Variants in WDR45 observed in about 807,000 individuals in gnomAD.
WDR45 encodes WD repeat domain 45.
Under a neutral mutation model 27.3 loss-of-function variants are expected in WDR45, and 2 were observed. The observed-to-expected ratio is 0.07, with a 90% CI of 0.03 to 0.23. The LOEUF (loss-of-function observed/expected upper bound fraction) is 0.23. WDR45 is among the 10% of genes least tolerant of loss of function. WDR45 has a pLI of 1.00. For missense variants in WDR45, 175 were observed against 311.9 expected, an observed-to-expected ratio of 0.56 and a Z score of 3.31; for synonymous variants, 99 against 119.2, an observed-to-expected ratio of 0.83 and a Z score of 1.11.
rs782201063 is a variant in WDR45 at position 49,074,838 on chromosome X, C to T, written c.1048G>A (p.Val350Met). 13 of 1,209,838 alleles carry T rather than the reference C, an allele frequency of 1.1e-5. No individual in the cohort carries two copies. In the Middle Eastern group the frequency reaches 1.4e-3, roughly 133 times the overall value. Residue 350 changes from valine to methionine, a missense_variant, in exon 11 of 11, where the codon GTG becomes ATG. Physicochemically the swap from Val to Met is conservative, Grantham distance 21. This residue lies in a region of WDR45 where 71 missense variants were observed against 123.0 expected (regional missense o/e 0.58). Coordinates refer to ENST00000376372, the MANE Select transcript of WDR45 (RefSeq NM_001029896.2). ...TCATCATCACAGATGTCAAGGTACA[C>T]GTCGAAAGCCTCTCTGTTGCAGTTT... ...DGNCNREAFD[V>M]YLDICDDDDF
At chrX:49,088,865 CA>C (rs1248057461) in intron 2 of WDR45, among the ~76,000 whole-genome samples, 1 of 111,767 alleles carries the variant, frequency 8.9e-6, no homozygotes, top group Admixed American at 9.6e-5. Flanking sequence ...AACAAACAAA[CA>C]AAAAGAAGTC....
chrX:49,095,239 T>G (rs1456964693), intron 2 of WDR45, among the ~76,000 whole-genome samples: 2 of 110,634 alleles, frequency 1.8e-5, no homozygotes, highest in East Asian at 5.9e-4. Context: ...CGGCTGGGCA[T>G]GGTGCCTCAC....
chrX:49,099,727 G>T (rs1557087829), intron 2 of WDR45, among the ~76,000 whole-genome samples: 1 of 108,347 alleles, frequency 9.2e-6, no homozygotes, highest in Non-Finnish European at 1.9e-5. Flanking sequence ...CTTGCAGTGA[G>T]TCGAGATCGC....
chrX:49,099,195 G>A (rs1441130667), intron 2 of WDR45, among the ~76,000 whole-genome samples: 3 of 110,068 alleles, frequency 2.7e-5, no homozygotes, highest in Non-Finnish European at 3.8e-5. Context: ...GTGGTGGTGC[G>A]TGCCTGTAGT....
At chrX:49,089,881 A>G (rs2065098778) in intron 2 of WDR45, among the ~76,000 whole-genome samples, 1 of 110,040 alleles carries the variant, frequency 9.1e-6, no homozygotes, top group Admixed American at 9.9e-5. Context: ...ATTATGCTAT[A>G]TGAAATAAGC....
upstream of WDR45, among the ~76,000 whole-genome samples, chrX:49,083,316 GTTTT>G (rs781995765): frequency 2.8e-5 from 2 of 72,040 alleles, no homozygotes; most frequent in Non-Finnish European, 5.1e-5. Context: ...CCGGCCTCTC[GTTTT>G]TTTTTTTTTT....
chrX:49,083,773 C>A (rs1185183086), upstream of WDR45, among the ~76,000 whole-genome samples: 1 of 106,479 alleles, frequency 9.4e-6, no homozygotes, highest in East Asian at 3.0e-4. Context: ...ACGGTGAAAC[C>A]CCATCTCTAC....
chrX:49,097,673 TG>T (rs2065130743), intron 2 of WDR45, among the ~76,000 whole-genome samples: 1 of 97,754 alleles, frequency 1.0e-5, no homozygotes, highest in Non-Finnish European at 2.1e-5. Context: ...TTTTTTTTTT[TG>T]AGATGGAATT....
At chrX:49,093,226 C>A (rs1421811495) in intron 2 of WDR45, among the ~76,000 whole-genome samples, 2 of 111,343 alleles carry the variant, frequency 1.8e-5, no homozygotes, top group Non-Finnish European at 3.8e-5. Context: ...TGTTTTTAAG[C>A]TGGATACTTT....
At chrX:49,090,000 G>A (rs2065099067) in intron 2 of WDR45, among the ~76,000 whole-genome samples, 1 of 110,644 alleles carries the variant, frequency 9.0e-6, no homozygotes, top group Non-Finnish European at 1.9e-5. Flanking sequence ...CTAAAGGCTA[G>A]GGGATGGGTG....
rs782632384 is a variant in WDR45, at chrX:49,086,976, G to A, written c.-17-8864C>T. Among the ~76,000 whole-genome samples the A allele has an allele frequency of 4.8e-4, 53 of 110,546 alleles. 1 individual carries two copies. In the South Asian group the frequency reaches 0.018, roughly 38 times the overall value. ...GCTGGGATTACAGGCATAAGCCACCGCTCCCAGCCTAGTTTTATTTTCTCA... is the reference window on the plus strand; with the variant it reads ...GCTGGGATTACAGGCATAAGCCACCACTCCCAGCCTAGTTTTATTTTCTCA... On this transcript the variant is annotated intron_variant, in intron 2 of 11. Coordinates refer to the WDR45 transcript ENST00000356463.
intron 2 of WDR45, among the ~76,000 whole-genome samples, chrX:49,089,404 G>GT (rs1420003173): frequency 9.1e-6 from 1 of 110,021 alleles, no homozygotes; most frequent in African/African-American, 3.3e-5. Flanking sequence ...ACTAGACAAA[G>GT]TTTTTTTTGA....
upstream of WDR45, among the ~76,000 whole-genome samples, chrX:49,084,193 G>C (rs1446629213): frequency 2.9e-5 from 3 of 104,056 alleles, no homozygotes; most frequent in South Asian, 1.4e-3. Flanking sequence ...GGGATTACAG[G>C]TGCCCACCAC....
chrX:49,092,119 CAA>C (rs61126954), intron 2 of WDR45, among the ~76,000 whole-genome samples: 60 of 35,732 alleles, frequency 1.7e-3, no homozygotes, highest in African/African-American at 5.4e-3. Flanking sequence ...CACTCCATCT[CAA>C]AAAAAAAAAA....
intron 1 of WDR45, among the ~76,000 whole-genome samples, chrX:49,078,876 TC>T (rs782769013): frequency 3.0e-4 from 34 of 112,170 alleles, no homozygotes; most frequent in African/African-American, 1.1e-3. Flanking sequence ...TTCTTGTACC[TC>T]CCTGACTTGG....
rs1254175963 is a variant in WDR45 at position 49,075,151 on chromosome X, C to T, written c.958G>A (p.Val320Ile). 1.2e-5 allele frequency: 14 copies of T among 1,210,588 alleles called. No homozygotes were observed. The highest frequency in any genetic ancestry group is 1.7e-5 in the African/African-American group (1 of 57,641). The change falls in exon 10 of 11, where the codon GTC (valine) becomes ATC (isoleucine). Residue 320 changes from valine (V) to isoleucine (I), a missense_variant. Around this residue, in one of 3 missense-constraint regions of WDR45, gnomAD observed 71 missense variants for 123.0 expected, o/e 0.58. Transcript: ENST00000376372. ...CAFGRNTSKN[V>I]NSVIAICVDG... Reference sequence around the variant, plus strand: ...TCCCACTCACCAATGACAGAGTTGACGTTCTTGGAAGTATTGCGACCGAAG... The same window carrying T: ...TCCCACTCACCAATGACAGAGTTGATGTTCTTGGAAGTATTGCGACCGAAG...
intron 2 of WDR45, among the ~76,000 whole-genome samples, chrX:49,099,287 G>A (rs944534773): frequency 1.8e-5 from 2 of 108,880 alleles, no homozygotes; most frequent in Non-Finnish European, 3.8e-5. Context: ...TCACACCACT[G>A]CACTCCTGCA....
At chrX:49,091,499 C>T (rs2065105235) in intron 2 of WDR45, among the ~76,000 whole-genome samples, 1 of 105,837 alleles carries the variant, frequency 9.4e-6, no homozygotes, top group Non-Finnish European at 1.9e-5. Flanking sequence ...CCTGTAATCC[C>T]AGCACTTTGG....
chrX:49,088,268 G>A (rs782571780), intron 2 of WDR45, among the ~76,000 whole-genome samples: 5 of 111,531 alleles, frequency 4.5e-5, no homozygotes, highest in East Asian at 2.8e-4. Context: ...TTAGCTGGGC[G>A]TGGTGGCGTG....
Sources: gnomAD v4.1 joint callset for allele counts (sites outside exome capture counted in the v4.1 genomes callset) on GRCh38, gnomAD v4.1.1 for gene constraint, gnomAD v4.1.1 regional missense constraint, MANE v1.5 for transcripts, NCBI Gene and HGNC (gene_info 2026-07-23, HGNC 2026-07-21) for gene names.